ZNF235: variants seen among roughly 807,000 people sequenced by gnomAD.
ZNF235 encodes zinc finger protein 235.
Under a neutral mutation model 29.4 loss-of-function variants are expected in ZNF235, and 25 were observed. The observed-to-expected ratio is 0.85, with a 90% CI of 0.62 to 1.19. The LOEUF is 1.19. ZNF235 is among the 50% of genes most tolerant of loss of function. ZNF235 has a pLI of 0.00. For missense variants in ZNF235, 788 were observed against 885.0 expected (o/e 0.89, Z 1.39); for synonymous variants, 300 against 295.3 (o/e 1.02, Z -0.16).
At chr19:44,300,477 A>T (rs1404943058) in intron 2 of ZNF235, among the ~76,000 whole-genome samples, 5 of 152,190 alleles carry the variant, frequency 3.3e-5, no homozygotes, top group Non-Finnish European at 7.3e-5. Context: ...TTTTAAATTT[A>T]AAAATGACAA....
chr19:44,291,744 C>T (rs1975587134), intron 4 of ZNF235, among the ~76,000 whole-genome samples: 1 of 152,056 alleles, frequency 6.6e-6, no homozygotes. Flanking sequence ...ACCAAAGAAA[C>T]AGAATTCATA....
chr19:44,286,952 A>G lies in ZNF235; in HGVS notation c.*266T>C. On this transcript the variant is annotated 3_prime_UTR_variant, in exon 5 of 5. Transcript: ENST00000291182. The stretch of plus-strand genomic sequence containing the variant: ...CGACAAGACTTTTCTGCTGTGTTAC[A>G]TCTTGAGAACCGGGACACCTGGTAC... The G allele has an allele frequency of 2.8e-6, 1 of 350,924 alleles. No individual in the cohort carries two copies. Among genetic ancestry groups the G allele is most frequent in the East Asian group, 4.7e-5 (1 of 21,496 alleles). 21.7% of individuals were successfully genotyped at this position (350,924 alleles called of 1,614,324 possible). A position where few individuals can be genotyped will look rare whatever the true frequency, so the allele number is the denominator to read the frequency against.
chr19:44,290,437 AGTTTTGTTTT>A (rs139598332), intron 4 of ZNF235: 7 of 152,432 alleles, frequency 4.6e-5, no homozygotes, highest in Non-Finnish European at 7.3e-5. Flanking sequence ...CAAGGCCCAC[AGTTTTGTTTT>A]GTTTTGTTTT....
intron 4 of ZNF235, among the ~76,000 whole-genome samples, chr19:44,297,763 G>A (rs1358621605): frequency 6.6e-6 from 1 of 152,084 alleles, no homozygotes; most frequent in Admixed American, 6.6e-5. Context: ...GCGCCCAGCT[G>A]GAAGATGGTA....
intron 2 of ZNF235, among the ~76,000 whole-genome samples, chr19:44,301,143 T>C (rs1975731355): frequency 6.6e-6 from 1 of 152,218 alleles, no homozygotes; most frequent in Admixed American, 6.5e-5. Context: ...TCAGTAACAT[T>C]ACTATTAAGA....
intron 4 of ZNF235, 121 bp downstream of exon 4, chr19:44,298,679 AGCCATCGC>A (rs1975688413): frequency 2.8e-5 from 19 of 675,898 alleles, no homozygotes; most frequent in Non-Finnish European, 4.2e-5. Context: ...TAGAGGCTTG[AGCCATCGC>A]GCCCAACCAT....
In ZNF235 at chr19:44,287,789, C is replaced by G; in HGVS notation, c.1646G>C (p.Gly549Ala). ...ATTCAAGCTCCAATTGAAGCGCTTC[C>G]CACACACTTCACATTTGTATGGTTT... ...GEKPYKCEVCGKRFNWSLNLH... is the reference protein window; with the variant it reads ...GEKPYKCEVCAKRFNWSLNLH... The change falls in exon 5 of 5, where the codon GGG becomes GCG. Residue 549 changes from glycine (G) to alanine (A), a missense_variant. By Grantham distance (60) the Gly-to-Ala change is moderately conservative (BLOSUM62 0). Coordinates refer to ENST00000291182, the MANE Select transcript of ZNF235 (RefSeq NM_004234.4). 2 of 1,613,946 alleles carry G rather than the reference C, an allele frequency of 1.2e-6. No homozygotes were observed. The highest frequency in any genetic ancestry group is 1.7e-6 in the Non-Finnish European group (2 of 1,179,980).
In ZNF235 at chr19:44,288,580, G is replaced by T; in HGVS notation, c.855C>A (p.His285Gln). 6.2e-7 allele frequency: 1 copy of T among 1,614,116 alleles called. No homozygotes were observed. The highest frequency in any genetic ancestry group is 8.5e-7 in the Non-Finnish European group (1 of 1,180,000). The part of the protein sequence containing the change: ...SSSLELHKQV[H>Q]LGKKSPACST... ...TACACGCTGGAGACTTCTTTCCCAA[G>T]TGTACCTGTTTATGAAGTTCAAGAC... The change falls in exon 5 of 5, where the codon CAC (histidine) becomes CAA (glutamine). Residue 285 changes from histidine to glutamine, a missense_variant. By Grantham distance (24) the His-to-Gln change is conservative. Coordinates refer to ENST00000291182, the MANE Select transcript of ZNF235 (RefSeq NM_004234.4).
chr19:44,301,215 A>G (rs948933783), intron 2 of ZNF235, among the ~76,000 whole-genome samples: 1 of 152,146 alleles, frequency 6.6e-6, no homozygotes, highest in Non-Finnish European at 1.5e-5. Context: ...TACTTGTCTC[A>G]TAAAGTTTGT....
In ZNF235 at chr19:44,287,643, G is replaced by T. The variant is rs1371983179; in HGVS notation, c.1792C>A (p.Pro598Thr). ...TTCTGACATGCATCACACTTGAATG[G>T]TTTTTCCCCAGTGTGGACGCTCTGA... ...AHQSVHTGEK[P>T]FKCDACQKRF... Residue 598 changes from proline (P) to threonine (T), a missense_variant, in exon 5 of 5, where the codon CCA becomes ACA. Transcript: ENST00000291182. 1.2e-6 allele frequency: 2 copies of T among 1,613,886 alleles called. No individual in the cohort carries two copies. Among genetic ancestry groups the T allele is most frequent in the East Asian group, 4.5e-5 (2 of 44,890 alleles).
chr19:44,303,431 G>A lies in ZNF235; in HGVS notation c.-27C>T, dbSNP rs1975784776. The A allele has an allele frequency of 6.2e-7, 1 of 1,609,042 alleles. No homozygotes were observed. Among genetic ancestry groups the A allele is most frequent in the Non-Finnish European group, 8.5e-7 (1 of 1,176,926 alleles). On this transcript the variant is annotated 5_prime_UTR_variant, in exon 2 of 5. Transcript: ENST00000291182. ...TTTCCCCTCCTCCTTCTGGGAAAAG[G>A]CAGAGTTCCGGGGAAGTGAACCTGA...
In ZNF235 at chr19:44,303,428, A is replaced by G; in HGVS notation, c.-24T>C. 1 of 1,609,886 alleles carries G rather than the reference A, an allele frequency of 6.2e-7. No individual in the cohort carries two copies. The highest frequency in any genetic ancestry group is 2.2e-5 in the East Asian group (1 of 44,664). On this transcript the variant is annotated 5_prime_UTR_variant, in exon 2 of 5. Transcript: ENST00000291182. ...ATTTTTCCCCTCCTCCTTCTGGGAA[A>G]AGGCAGAGTTCCGGGGAAGTGAACC...
At chr19:44,289,956 G>A (rs1036382378) in intron 4 of ZNF235, 2 of 152,188 alleles carry the variant, frequency 1.3e-5, no homozygotes, top group Non-Finnish European at 2.9e-5. Flanking sequence ...AAACCAAGTA[G>A]GAAGATATGT....
chr19:44,303,083 TAC>T (rs1975776394), intron 2 of ZNF235, among the ~76,000 whole-genome samples: 2 of 114,760 alleles, frequency 1.7e-5, no homozygotes, highest in Admixed American at 1.1e-4. Flanking sequence ...GTATATATAA[TAC>T]ATATATACAA....
chr19:44,292,499 C>T (rs936183905), intron 4 of ZNF235, among the ~76,000 whole-genome samples: 19 of 150,244 alleles, frequency 1.3e-4, no homozygotes, highest in Non-Finnish European at 4.4e-5. Flanking sequence ...GAAAGCATCT[C>T]GGTACTTCAA....
At chr19:44,302,937 T>C (rs1362475125) in intron 2 of ZNF235, among the ~76,000 whole-genome samples, 23 of 137,270 alleles carry the variant, frequency 1.7e-4, no homozygotes, top group African/African-American at 5.5e-4. Context: ...TGTATTTATA[T>C]ATACATATTT....
chr19:44,291,225 A>G (rs1016361521), intron 4 of ZNF235, among the ~76,000 whole-genome samples: 5 of 152,250 alleles, frequency 3.3e-5, no homozygotes, highest in African/African-American at 1.2e-4. Flanking sequence ...CAACTGATTT[A>G]AATCAGAAAT....
At chr19:44,302,984 A>ATATAAAATTATATTTTTGTAT (rs1975768766) in intron 2 of ZNF235, among the ~76,000 whole-genome samples, 1 of 122,372 alleles carries the variant, frequency 8.2e-6, no homozygotes, top group Non-Finnish European at 1.6e-5. Context: ...GTATATATTT[A>ATATAAAATTATATTTTTGTAT]TATATAAATA....
Position 44,304,990 on chromosome 19 carries a change from G to A in ZNF235, c.-68C>T, listed in dbSNP as rs1428228755. On this transcript the variant is annotated 5_prime_UTR_variant, in exon 1 of 5. Transcript: ENST00000291182. ...ACTCACCTCCCTGGGAGATATCTCA[G>A]ATCCGACCTCGCCTTCCTGGAGCGG... is the stretch of plus-strand genomic sequence containing the variant. 1.0e-6 allele frequency: 1 copy of A among 972,010 alleles called. No individual in the cohort carries two copies. The highest frequency in any genetic ancestry group is 6.2e-5 in the Admixed American group (1 of 16,254). 60.2% of individuals were successfully genotyped at this position (972,010 alleles called of 1,614,324 possible).
Sources: allele counts gnomAD v4.1 joint callset (sites outside exome capture counted in the v4.1 genomes callset), GRCh38; gene constraint gnomAD v4.1.1; transcripts MANE v1.5; gene names NCBI Gene and HGNC (gene_info 2026-07-23, HGNC 2026-07-21).